SLC17A8: variants seen among roughly 807,000 people sequenced by gnomAD.
SLC17A8 encodes the protein solute carrier family 17 member 8.
A neutral mutation model predicts 58.0 loss-of-function variants in SLC17A8; 31 were observed. The ratio of observed to expected loss-of-function variants is 0.53; its 90% CI spans 0.40 to 0.72. The LOEUF (loss-of-function observed/expected upper bound fraction) is 0.72, where lower values mean the gene tolerates loss of function less well. SLC17A8 is among the 30% of genes least tolerant of loss of function. The pLI is 0.00. For synonymous variants in SLC17A8, 228 were observed against 249.0 expected (o/e 0.92, Z 0.79); for missense variants, 655 against 727.8 (o/e 0.90, Z 1.15).
rs1952939812 is a variant in SLC17A8, at chr12:100,420,288, G to C, written c.*129G>C. On this transcript the variant is annotated 3_prime_UTR_variant, in exon 12 of 12. Coordinates refer to ENST00000323346, the MANE Select transcript of SLC17A8 (RefSeq NM_139319.3). Reference sequence around the variant, plus strand: ...GGGGAGAAGATCTAACCAGCAACAGGGAAAAGAGAAATATTATCTTTCAAT... The same window carrying C: ...GGGGAGAAGATCTAACCAGCAACAGCGAAAAGAGAAATATTATCTTTCAAT... 2.8e-6 allele frequency: 2 copies of C among 703,520 alleles called. No homozygotes were observed. The highest frequency in any genetic ancestry group is 4.9e-6 in the Non-Finnish European group (2 of 407,488). 43.6% of individuals were successfully genotyped at this position (703,520 alleles called of 1,614,324 possible). A position where few individuals can be genotyped will look rare whatever the true frequency, so the allele number is the denominator to read the frequency against.
chr12:100,402,258 AATAT>A, intron 6 of SLC17A8, 78 bp from the exon 7 acceptor site: 1 of 1,534,888 alleles, frequency 6.5e-7, no homozygotes, highest in South Asian at 1.2e-5. Flanking sequence ...ACCTGAAAAA[AATAT>A]ATATGGTAAA....
At chr12:100,371,215 G>C (rs567276246) in intron 1 of SLC17A8, among the ~76,000 whole-genome samples, 1 of 152,116 alleles carries the variant, frequency 6.6e-6, no homozygotes, top group Non-Finnish European at 1.5e-5. Context: ...CTCATTTAAC[G>C]TTCACAGTAG....
At chr12:100,377,030 G>A (rs912222163) in intron 1 of SLC17A8, among the ~76,000 whole-genome samples, 1 of 152,060 alleles carries the variant, frequency 6.6e-6, no homozygotes, top group Admixed American at 6.5e-5. Flanking sequence ...GTCTGGTCTC[G>A]AACTCCTGAC....
At chr12:100,373,392 T>G (rs1056981052) in intron 1 of SLC17A8, among the ~76,000 whole-genome samples, 1 of 151,856 alleles carries the variant, frequency 6.6e-6, no homozygotes, top group Non-Finnish European at 1.5e-5. Flanking sequence ...GATGAATAGA[T>G]CCTTAACCCT....
intron 8 of SLC17A8, among the ~76,000 whole-genome samples, chr12:100,403,093 A>G (rs1216474894): frequency 6.6e-6 from 1 of 152,212 alleles, no homozygotes; most frequent in Non-Finnish European, 1.5e-5. Flanking sequence ...AGTGAGTAGC[A>G]GTAAGAACCT....
chr12:100,378,958 C>G (rs1191692783), intron 1 of SLC17A8, among the ~76,000 whole-genome samples: 2 of 152,198 alleles, frequency 1.3e-5, no homozygotes, highest in East Asian at 3.8e-4. Context: ...ATGTGTCTTT[C>G]TTCCCCATCA....
At chr12:100,401,213 G>T (rs1363631214) in intron 5 of SLC17A8, among the ~76,000 whole-genome samples, 1 of 151,554 alleles carries the variant, frequency 6.6e-6, no homozygotes, top group East Asian at 1.9e-4. Flanking sequence ...TGACCAGGCT[G>T]GTCTTGAACT....
intron 9 of SLC17A8, 107 bp downstream of exon 9, chr12:100,404,277 A>T: frequency 7.0e-7 from 1 of 1,424,306 alleles, no homozygotes; most frequent in Non-Finnish European, 9.8e-7. Context: ...AGTGGATCTT[A>T]AAGACCTCTA....
intron 10 of SLC17A8, among the ~76,000 whole-genome samples, chr12:100,413,282 A>G (rs963019837): frequency 1.8e-4 from 28 of 152,150 alleles, no homozygotes; most frequent in Non-Finnish European, 7.3e-5. Flanking sequence ...CATTACAGTC[A>G]TAGGATCAGA....
intron 1 of SLC17A8, among the ~76,000 whole-genome samples, chr12:100,374,343 G>A (rs1303260057): frequency 6.6e-6 from 1 of 152,180 alleles, no homozygotes; most frequent in Non-Finnish European, 1.5e-5. Flanking sequence ...CAGGCATAGT[G>A]GTTCACACCT....
intron 2 of SLC17A8, among the ~76,000 whole-genome samples, chr12:100,389,832 T>TATTATTATTATC (rs1186186304): frequency 6.6e-6 from 1 of 150,406 alleles, no homozygotes; most frequent in African/African-American, 2.4e-5. Context: ...TTATTATTAT[T>TATTATTATTATC]ACTATTGAGA....
chr12:100,418,708 CT>C (rs1952924992), intron 11 of SLC17A8, among the ~76,000 whole-genome samples: 1 of 152,196 alleles, frequency 6.6e-6, no homozygotes, highest in Admixed American at 6.5e-5. Flanking sequence ...ATTTCTTTAT[CT>C]TTGTCACTGA....
intron 11 of SLC17A8, 134 bp from the exon 12 acceptor site, chr12:100,419,681 C>T (rs1952933007): frequency 2.5e-6 from 2 of 795,372 alleles, no homozygotes; most frequent in Non-Finnish European, 4.1e-6. Flanking sequence ...GACACACGTC[C>T]TCCCGCCCAA....
intron 9 of SLC17A8, among the ~76,000 whole-genome samples, chr12:100,408,760 A>G (rs1442534763): frequency 2.0e-5 from 3 of 152,190 alleles, no homozygotes; most frequent in Non-Finnish European, 4.4e-5. Context: ...TTCTGTTCAG[A>G]GTGTAAAAAT....
At chr12:100,389,964 G>A (rs1163268504) in intron 2 of SLC17A8, among the ~76,000 whole-genome samples, 2 of 152,010 alleles carry the variant, frequency 1.3e-5, no homozygotes, top group Admixed American at 6.6e-5. Context: ...GGGATTACAG[G>A]CGTCTGCCAC....
At position 100,378,263 on chromosome 12, in the gene SLC17A8, T is replaced by C. The variant is rs374006972; in HGVS notation, c.102-2438T>C. 3.1e-4 allele frequency among the ~76,000 whole-genome samples: 47 copies of C among 152,184 alleles called. No individual in the cohort carries two copies. The East Asian group carries it at 8.7e-3, about 28-fold the overall frequency. Reference sequence around the variant, plus strand: ...AGTGTTTTCCTGGAAAAACATAAAATGGCCAAGAAAGAGAAAGTGGTCAAT... The same window carrying C: ...AGTGTTTTCCTGGAAAAACATAAAACGGCCAAGAAAGAGAAAGTGGTCAAT... On this transcript the variant is annotated intron_variant, in intron 1 of 11. Transcript: ENST00000323346.
intron 1 of SLC17A8, among the ~76,000 whole-genome samples, chr12:100,359,333 T>G (rs1952468581): frequency 6.6e-6 from 1 of 152,092 alleles, no homozygotes; most frequent in South Asian, 2.1e-4. Flanking sequence ...GAAGAGCCGG[T>G]TTTGCTATGT....
chr12:100,381,396 G>A (rs1038852783), intron 2 of SLC17A8, among the ~76,000 whole-genome samples: 4 of 151,868 alleles, frequency 2.6e-5, no homozygotes, highest in Non-Finnish European at 4.4e-5. Flanking sequence ...GGGGGTAGGT[G>A]CCACGTTGGA....
Position 100,380,787 on chromosome 12 carries a change from C to G in SLC17A8, c.188C>G (p.Pro63Arg), listed in dbSNP as rs948807871. The change falls in exon 2 of 12, where the codon CCA becomes CGA. Residue 63 changes from proline to arginine, a missense_variant. Physicochemically the swap from Pro to Arg is moderately radical, Grantham distance 103. Transcript: ENST00000323346. The part of the protein sequence containing the change: ...RPVQTSRPSP[P>R]LCDCHCCGLP... ...GTGCAGACGTCCAGGCCAAGCCCCCCACTCTGCGACTGCCACTGCTGCGGC... is the reference window on the plus strand; with the variant it reads ...GTGCAGACGTCCAGGCCAAGCCCCCGACTCTGCGACTGCCACTGCTGCGGC... The G allele has an allele frequency of 1.6e-5, 26 of 1,614,032 alleles. No homozygotes were observed. Among genetic ancestry groups the G allele is most frequent in the Admixed American group, 8.3e-5 (5 of 60,000 alleles).
Sources: allele counts gnomAD v4.1 joint callset (sites outside exome capture counted in the v4.1 genomes callset), GRCh38; gene constraint gnomAD v4.1.1; transcripts MANE v1.5; gene names NCBI Gene and HGNC (gene_info 2026-07-23, HGNC 2026-07-21).